The following SYNRG variants were observed in gnomAD, a reference collection of about 807,000 sequenced individuals.
The protein encoded by SYNRG is synergin gamma.
Under a neutral mutation model 130.9 loss-of-function variants are expected in SYNRG, and 37 were observed. The observed-to-expected ratio is 0.28, with a 90% CI of 0.22 to 0.37. The LOEUF is 0.37. Ranked by LOEUF, SYNRG falls within the 10% of genes least tolerant of loss-of-function variation. The probability of loss-of-function intolerance (pLI) is 1.00; values close to 1 mark genes in which losing one functional copy is unlikely to be tolerated. For synonymous variants in SYNRG, 539 were observed against 568.1 expected (o/e 0.95, Z 0.73); for missense variants, 1,338 against 1,588.9 (o/e 0.84, Z 2.68).
intron 6 of SYNRG, among the ~76,000 whole-genome samples, chr17:37,583,755 C>A (rs879939917): frequency 4.6e-5 from 7 of 152,156 alleles, no homozygotes; most frequent in Non-Finnish European, 1.0e-4. Flanking sequence ...CGGGCAGTGG[C>A]ATGATCTCGG....
At chr17:37,598,539 A>C (rs958569324) in intron 2 of SYNRG, among the ~76,000 whole-genome samples, 18 of 152,236 alleles carry the variant, frequency 1.2e-4, no homozygotes, top group Non-Finnish European at 1.8e-4. Flanking sequence ...ATTTCAAGGC[A>C]CAAAAGTGTA....
intron 19 of SYNRG, among the ~76,000 whole-genome samples, chr17:37,525,685 A>G (rs2055756539): frequency 6.6e-6 from 1 of 151,658 alleles, no homozygotes; most frequent in Non-Finnish European, 1.5e-5. Flanking sequence ...ATACAAAAAA[A>G]TGCCGGGAGC....
intron 3 of SYNRG, among the ~76,000 whole-genome samples, chr17:37,587,129 T>G (rs1390921949): frequency 6.6e-6 from 1 of 152,092 alleles, no homozygotes; most frequent in Non-Finnish European, 1.5e-5. Context: ...AATAACACAA[T>G]AGCTAATCAC....
At chr17:37,539,373 T>C (rs914358000) in intron 16 of SYNRG, 128 bp from the exon 17 acceptor site, 1 of 992,506 alleles carries the variant, frequency 1.0e-6, no homozygotes, top group Non-Finnish European at 1.5e-6. Context: ...AAGCAGTTTA[T>C]GTTTTTTTTG....
intron 14 of SYNRG, among the ~76,000 whole-genome samples, chr17:37,549,112 G>C (rs1256871348): frequency 6.9e-6 from 1 of 144,060 alleles, no homozygotes; most frequent in African/African-American, 2.6e-5. Flanking sequence ...TCCAGCCTGG[G>C]CAACAAGAAA....
intron 13 of SYNRG, among the ~76,000 whole-genome samples, chr17:37,558,038 C>T (rs746338773): frequency 6.6e-6 from 1 of 152,174 alleles, no homozygotes; most frequent in Non-Finnish European, 1.5e-5. Flanking sequence ...TTGATGAAAG[C>T]ATTGCTAGGT....
At chr17:37,541,146 C>G in intron 15 of SYNRG, 1 of 985,424 alleles carries the variant, frequency 1.0e-6, no homozygotes, top group Non-Finnish European at 1.2e-6. Context: ...AACAAAAGCA[C>G]CTTTCTAAAT....
At chr17:37,601,810 G>A (rs182762819) in intron 1 of SYNRG, among the ~76,000 whole-genome samples, 9 of 152,006 alleles carry the variant, frequency 5.9e-5, no homozygotes, top group Middle Eastern at 6.8e-3. Context: ...GACTACAGGC[G>A]AGCACTACCA....
chr17:37,528,961 G>A (rs2056292679), intron 19 of SYNRG, among the ~76,000 whole-genome samples: 1 of 152,226 alleles, frequency 6.6e-6, no homozygotes, highest in Non-Finnish European at 1.5e-5. Context: ...AAGCACATGG[G>A]TAATTAGAGA....
At chr17:37,565,508 G>A (rs537416013) in intron 11 of SYNRG, among the ~76,000 whole-genome samples, 4 of 146,242 alleles carry the variant, frequency 2.7e-5, no homozygotes, top group African/African-American at 1.0e-4. Context: ...GCCGCCCATC[G>A]TCTGGGATGT....
chr17:37,586,995 TGA>T (rs2061741909), intron 3 of SYNRG, among the ~76,000 whole-genome samples: 1 of 152,152 alleles, frequency 6.6e-6, no homozygotes, highest in Non-Finnish European at 1.5e-5. Context: ...CCAATATATA[TGA>T]GAGGATAATG....
At position 37,518,804 on chromosome 17, in the gene SYNRG, G is replaced by A. The variant is rs979737804; in HGVS notation, c.*136C>T. The A allele has an allele frequency of 7.6e-7, 1 of 1,314,002 alleles. No homozygotes were observed. The allele number at this position is 1,314,002 out of a possible 1,614,324, so 81.4% of individuals were successfully genotyped here. ...GCAGACTGGCCGTGGGGATGACGGG[G>A]GCCCCGTCCCTTGCGGTGTTCTTCA... On this transcript the variant is annotated 3_prime_UTR_variant, in exon 22 of 22. Transcript: ENST00000612223.
chr17:37,517,936 T>A lies in SYNRG; in HGVS notation c.*1004A>T, dbSNP rs985262630. On this transcript the variant is annotated 3_prime_UTR_variant, in exon 22 of 22. Coordinates refer to ENST00000612223, the MANE Select transcript of SYNRG (RefSeq NM_007247.6). ...AAAATTCAGTACTGTTTCTGGACAATTTTCTTCTACTTCTTCTAAGTCATG... is the reference window on the plus strand; with the variant it reads ...AAAATTCAGTACTGTTTCTGGACAAATTTCTTCTACTTCTTCTAAGTCATG... 4 of 152,202 alleles carry A rather than the reference T, an allele frequency of 2.6e-5. No homozygotes were observed. Among genetic ancestry groups the A allele is most frequent in the Non-Finnish European group, 5.9e-5 (4 of 68,030 alleles). The allele number at this position is 152,202 out of a possible 1,614,324, so 9.4% of individuals were successfully genotyped here. A position where few individuals can be genotyped will look rare whatever the true frequency, so the allele number is the denominator to read the frequency against.
intron 19 of SYNRG, chr17:37,529,994 A>G (rs2056449612): frequency 1.4e-6 from 1 of 702,502 alleles, no homozygotes; most frequent in Non-Finnish European, 2.4e-6. Flanking sequence ...AAGTTACTCT[A>G]CAGTCCTGGT....
chr17:37,586,118 G>C (rs535901504), intron 4 of SYNRG, among the ~76,000 whole-genome samples: 1 of 152,178 alleles, frequency 6.6e-6, no homozygotes, highest in South Asian at 2.1e-4. Context: ...TCAGCCTCCT[G>C]AGCAGCTGGG....
chr17:37,557,527 A>G (rs889465967), intron 13 of SYNRG, among the ~76,000 whole-genome samples: 2 of 152,268 alleles, frequency 1.3e-5, no homozygotes, highest in Non-Finnish European at 2.9e-5. Flanking sequence ...ATTAAAGTTA[A>G]GATAGGAATG....
intron 15 of SYNRG, chr17:37,540,854 C>T (rs1465036269): frequency 2.5e-5 from 24 of 972,422 alleles, no homozygotes; most frequent in African/African-American, 2.1e-4. Context: ...AGGCTGGTCT[C>T]GAACTCCTGA....
At chr17:37,558,825 G>C (rs567739334) in intron 13 of SYNRG, among the ~76,000 whole-genome samples, 2 of 152,280 alleles carry the variant, frequency 1.3e-5, no homozygotes, top group East Asian at 3.9e-4. Context: ...TGTTTGAAAT[G>C]ATCCTGTGTC....
At chr17:37,586,710 A>C (rs1343455156) in intron 3 of SYNRG, among the ~76,000 whole-genome samples, 161 bp from the exon 4 acceptor site, 1 of 152,240 alleles carries the variant, frequency 6.6e-6, no homozygotes, top group Non-Finnish European at 1.5e-5. Flanking sequence ...AAAAGATGCA[A>C]ATATACAAAG....
Sources: gnomAD v4.1 joint callset for allele counts (sites outside exome capture counted in the v4.1 genomes callset) on GRCh38, gnomAD v4.1.1 for gene constraint, MANE v1.5 for transcripts, NCBI Gene and HGNC (gene_info 2026-07-23, HGNC 2026-07-21) for gene names.